Variants in CADM2 observed in about 807,000 individuals in gnomAD.
The protein encoded by CADM2 is cell adhesion molecule 2, also known as immunoglobulin superfamily member 4D.
In CADM2, 12 loss-of-function variants were observed where a neutral mutation model predicts 49.8. The observed-to-expected ratio is 0.24, with a 90% CI of 0.15 to 0.39. The LOEUF (loss-of-function observed/expected upper bound fraction) is 0.39. CADM2 is among the 10% of genes least tolerant of loss of function. The pLI is 1.00. For missense variants in CADM2, 378 were observed against 492.3 expected (o/e 0.77, Z 2.20); for synonymous variants, 214 against 175.4 (o/e 1.22, Z -1.74).
Position 86,005,443 on chromosome 3 carries a change from C to T in CADM2, c.970+43796C>T, listed in dbSNP as rs574571447. Among the ~76,000 whole-genome samples, 29 of 151,654 alleles carry T rather than the reference C, an allele frequency of 1.9e-4. 1 individual carries two copies. In the East Asian group the frequency reaches 5.5e-3, roughly 29 times the overall value. On this transcript the variant is annotated intron_variant, in intron 8 of 9. Transcript: ENST00000383699. Reference sequence around the variant, plus strand: ...ACAGGCGCCTGTAATCTCAGCTACTCAGGAGGCTGAGGCAGGAGAATTGCT... The same window carrying T: ...ACAGGCGCCTGTAATCTCAGCTACTTAGGAGGCTGAGGCAGGAGAATTGCT...
chr3:85,640,772 A>G (rs889664578), intron 1 of CADM2, among the ~76,000 whole-genome samples: 6 of 152,228 alleles, frequency 3.9e-5, no homozygotes, highest in Non-Finnish European at 8.8e-5. Flanking sequence ...ATGAAAAAGT[A>G]CTATTGACAA....
At chr3:85,257,878 G>A (rs771990729) in intron 1 of CADM2, among the ~76,000 whole-genome samples, 1 of 152,050 alleles carries the variant, frequency 6.6e-6, no homozygotes, top group Non-Finnish European at 1.5e-5. Context: ...ATGACAGACC[G>A]CTGATACTTT....
At chr3:85,943,955 C>G (rs1281762150) in intron 7 of CADM2, among the ~76,000 whole-genome samples, 2 of 151,924 alleles carry the variant, frequency 1.3e-5, no homozygotes, top group Non-Finnish European at 2.9e-5. Context: ...GCTAAATGCT[C>G]TAATTAAAAT....
intron 8 of CADM2, among the ~76,000 whole-genome samples, chr3:86,055,625 C>A (rs1352401507): frequency 6.6e-6 from 1 of 151,844 alleles, no homozygotes; most frequent in Non-Finnish European, 1.5e-5. Flanking sequence ...TGCCACCATG[C>A]CTGGCTAATA....
intron 1 of CADM2, among the ~76,000 whole-genome samples, chr3:85,381,203 G>T (rs184351160): frequency 3.3e-5 from 5 of 151,868 alleles, no homozygotes; most frequent in Admixed American, 6.6e-5. Flanking sequence ...GCTGATTTCC[G>T]TAGTAACACA....
At chr3:85,807,066 T>C (rs1034549553) in intron 3 of CADM2, among the ~76,000 whole-genome samples, 1 of 152,200 alleles carries the variant, frequency 6.6e-6, no homozygotes, top group Non-Finnish European at 1.5e-5. Context: ...TGATTTTAAC[T>C]GAAATATTCC....
chr3:85,439,950 A>G (rs2037122259), intron 1 of CADM2, among the ~76,000 whole-genome samples: 1 of 152,180 alleles, frequency 6.6e-6, no homozygotes, highest in South Asian at 2.1e-4. Flanking sequence ...CAAAGTAGTT[A>G]TTTCATTTTA....
intron 1 of CADM2, among the ~76,000 whole-genome samples, chr3:85,554,690 AT>A (rs1465079645): frequency 6.6e-6 from 1 of 151,746 alleles, no homozygotes; most frequent in Non-Finnish European, 1.5e-5. Context: ...TAAAGACATC[AT>A]TTTTATTTTT....
At chr3:85,764,229 G>T (rs2069541788) in intron 2 of CADM2, among the ~76,000 whole-genome samples, 1 of 151,846 alleles carries the variant, frequency 6.6e-6, no homozygotes. Flanking sequence ...CAATTTCCCA[G>T]AGGAAAATAA....
intron 1 of CADM2, among the ~76,000 whole-genome samples, chr3:85,113,863 C>T (rs557888145): frequency 6.6e-6 from 1 of 152,088 alleles, no homozygotes; most frequent in East Asian, 1.9e-4. Context: ...TCATAAGTCT[C>T]TTTCAAGTGT....
At chr3:85,106,660 C>G (rs537399280) in intron 1 of CADM2, among the ~76,000 whole-genome samples, 1 of 152,108 alleles carries the variant, frequency 6.6e-6, no homozygotes, top group East Asian at 1.9e-4. Flanking sequence ...GTATTAGTAA[C>G]CTAGTATTTG....
chr3:85,585,935 G>T (rs1341998750), intron 1 of CADM2, among the ~76,000 whole-genome samples: 1 of 151,722 alleles, frequency 6.6e-6, no homozygotes, highest in East Asian at 1.9e-4. Flanking sequence ...CTTTAACCAT[G>T]TAAACATAAA....
intron 1 of CADM2, among the ~76,000 whole-genome samples, chr3:85,606,690 C>T (rs1448700545): frequency 6.6e-6 from 1 of 151,844 alleles, no homozygotes; most frequent in African/African-American, 2.4e-5. Flanking sequence ...CTGAGCTGGA[C>T]CTTAATGTAT....
chr3:85,699,479 A>G (rs1051649254), intron 1 of CADM2, among the ~76,000 whole-genome samples: 2 of 152,228 alleles, frequency 1.3e-5, no homozygotes, highest in Non-Finnish European at 2.9e-5. Context: ...TAAGACATCT[A>G]GGTGGAGGAT....
intron 1 of CADM2, among the ~76,000 whole-genome samples, chr3:85,412,654 G>A (rs984851618): frequency 1.3e-5 from 2 of 151,840 alleles, no homozygotes; most frequent in Admixed American, 1.3e-4. Context: ...TAAAGATTAG[G>A]AGTATCCTTT....
intron 8 of CADM2, chr3:86,012,483 C>T: frequency 1.1e-6 from 1 of 946,566 alleles, no homozygotes. Flanking sequence ...TGGCTCTCCT[C>T]CGTGACCCGG....
chr3:85,648,516 T>C (rs1345182148), intron 1 of CADM2, among the ~76,000 whole-genome samples: 3 of 151,998 alleles, frequency 2.0e-5, no homozygotes, highest in Non-Finnish European at 4.4e-5. Context: ...GAAATAATGG[T>C]TTAAAACTAT....
chr3:85,525,996 C>T (rs1191334920), intron 1 of CADM2, among the ~76,000 whole-genome samples: 1 of 152,088 alleles, frequency 6.6e-6, no homozygotes, highest in African/African-American at 2.4e-5. Flanking sequence ...AAACCTTACA[C>T]TGTATCATTA....
At chr3:85,213,233 T>C (rs2041843238) in intron 1 of CADM2, among the ~76,000 whole-genome samples, 1 of 152,126 alleles carries the variant, frequency 6.6e-6, no homozygotes, top group African/African-American at 2.4e-5. Flanking sequence ...CCTTTTAGCA[T>C]TTCTTGTAGA....
Sources: allele counts gnomAD v4.1 joint callset (sites outside exome capture counted in the v4.1 genomes callset), GRCh38; gene constraint gnomAD v4.1.1; transcripts MANE v1.5; gene names NCBI Gene and HGNC (gene_info 2026-07-23, HGNC 2026-07-21).